CAMKMT: variants seen among roughly 807,000 people sequenced by gnomAD.
CAMKMT encodes CaM KMT.
CAMKMT carries 53 observed loss-of-function variants against 48.0 expected under a neutral mutation model. That is an observed-to-expected ratio of 1.10 (90% CI 0.89 to 1.39). The LOEUF (loss-of-function observed/expected upper bound fraction) is 1.39. CAMKMT is among the 40% of genes most tolerant of loss of function. The probability of loss-of-function intolerance (pLI) is 0.00; values close to 1 mark genes in which losing one functional copy is unlikely to be tolerated. For missense variants in CAMKMT, 428 were observed against 402.7 expected (o/e 1.06, Z -0.54); for synonymous variants, 165 against 152.3 (o/e 1.08, Z -0.61).
rs117474232 is a variant in CAMKMT at position 44,664,467 on chromosome 2, A to T, written c.377-39816A>T. Among the ~76,000 whole-genome samples the T allele has an allele frequency of 1.0e-3, 153 of 152,370 alleles. 2 individuals carry two copies. In the East Asian group the frequency reaches 0.02, roughly 20 times the overall value. ...ACAGGAGCTAAGCTCAGTGCTGGGT[A>T]TAGAATAGATGTGTAATAGACATGT... On this transcript the variant is annotated intron_variant, in intron 3 of 10. Transcript: ENST00000378494.
intron 3 of CAMKMT, among the ~76,000 whole-genome samples, chr2:44,572,716 G>T (rs577232306): frequency 6.6e-6 from 1 of 151,810 alleles, no homozygotes; most frequent in Non-Finnish European, 1.5e-5. Context: ...TGCTGTGTTG[G>T]CTGTTATGAG....
chr2:44,634,771 T>C (rs4953123), intron 3 of CAMKMT, among the ~76,000 whole-genome samples: 17,086 of 142,722 alleles, frequency 0.12, 1,180 homozygotes, highest in Admixed American at 0.22. Flanking sequence ...AGTCTGGTTT[T>C]ATAGGTATTC....
chr2:44,411,960 A>C (rs1243984936), intron 3 of CAMKMT, among the ~76,000 whole-genome samples: 2 of 145,968 alleles, frequency 1.4e-5, no homozygotes, highest in Non-Finnish European at 3.0e-5. Flanking sequence ...ATTAATATGT[A>C]ACATGAACAT....
intron 3 of CAMKMT, among the ~76,000 whole-genome samples, chr2:44,428,872 GC>G (rs1038850892): frequency 2.2e-4 from 33 of 152,268 alleles, no homozygotes; most frequent in African/African-American, 7.2e-4. Context: ...CAAAGCACGG[GC>G]AGAAGGCATT....
rs1462773490 is a variant in CAMKMT, at chr2:44,366,238, G to C, written c.138+4093G>C. Reference sequence around the variant, plus strand: ...TTTAATTTGTTATTTTGAAGAATAAGTAGAATAAAAAGGTTTGTGAAGAAG... The same window carrying C: ...TTTAATTTGTTATTTTGAAGAATAACTAGAATAAAAAGGTTTGTGAAGAAG... On this transcript the variant is annotated intron_variant, in intron 1 of 10. Transcript: ENST00000378494. Among the ~76,000 whole-genome samples, 8 of 152,300 alleles carry C rather than the reference G, an allele frequency of 5.3e-5. No individual in the cohort carries two copies. In the East Asian group the frequency reaches 1.2e-3, roughly 22 times the overall value.
At chr2:44,440,626 T>G (rs995032503) in intron 3 of CAMKMT, among the ~76,000 whole-genome samples, 2 of 152,076 alleles carry the variant, frequency 1.3e-5, no homozygotes, top group Non-Finnish European at 2.9e-5. Context: ...CATTTCACAT[T>G]TCAATGCACA....
intron 2 of CAMKMT, among the ~76,000 whole-genome samples, chr2:44,376,312 C>G (rs1346457734): frequency 6.6e-6 from 1 of 151,696 alleles, no homozygotes; most frequent in African/African-American, 2.4e-5. Flanking sequence ...ATCCCAGTTA[C>G]TCGGTGGCTA....
chr2:44,476,821 T>C (rs1264861152), intron 3 of CAMKMT, among the ~76,000 whole-genome samples: 2 of 152,184 alleles, frequency 1.3e-5, no homozygotes, highest in Non-Finnish European at 2.9e-5. Context: ...TTCAATTTCC[T>C]CATCTGTAAA....
intron 3 of CAMKMT, among the ~76,000 whole-genome samples, chr2:44,472,458 T>C (rs528535553): frequency 6.6e-6 from 1 of 152,348 alleles, no homozygotes; most frequent in South Asian, 2.1e-4. Flanking sequence ...AGGCTCAATC[T>C]AATAACTTGT....
intron 3 of CAMKMT, among the ~76,000 whole-genome samples, chr2:44,493,110 T>C (rs1190893561): frequency 2.6e-5 from 4 of 152,042 alleles, no homozygotes; most frequent in Non-Finnish European, 5.9e-5. Flanking sequence ...CTGGCCAGGC[T>C]GGTCTCGAGC....
At chr2:44,631,142 C>T (rs891757336) in intron 3 of CAMKMT, among the ~76,000 whole-genome samples, 1 of 152,018 alleles carries the variant, frequency 6.6e-6, no homozygotes, top group Non-Finnish European at 1.5e-5. Context: ...TAAACTATCG[C>T]AAGAACAAAA....
chr2:44,730,616 T>C (rs948712584), intron 7 of CAMKMT, among the ~76,000 whole-genome samples: 1 of 152,240 alleles, frequency 6.6e-6, no homozygotes. Flanking sequence ...TCCTTTTCTC[T>C]AAGTGTTTAA....
At chr2:44,740,559 C>T (rs1203425002) in intron 7 of CAMKMT, among the ~76,000 whole-genome samples, 5 of 152,102 alleles carry the variant, frequency 3.3e-5, no homozygotes, top group Non-Finnish European at 1.5e-5. Flanking sequence ...TAGTGGGAAA[C>T]TAAATGGACA....
At position 44,618,432 on chromosome 2, in the gene CAMKMT, A is replaced by T. The variant is rs779053653; in HGVS notation, c.377-85851A>T. ...GTCAGCAGAACCAATTAGATTTTCA[A>T]CCAGTAGACAAGAAGGGTGGCACTT... On this transcript the variant is annotated intron_variant, in intron 3 of 10. Coordinates refer to ENST00000378494, the MANE Select transcript of CAMKMT (RefSeq NM_024766.5). The surrounding 1 kb of genome is among the most constrained non-coding windows in gnomAD (Gnocchi z 4.0). Among the ~76,000 whole-genome samples the T allele has an allele frequency of 3.5e-4, 54 of 152,166 alleles. No homozygotes were observed. Among genetic ancestry groups the T allele is most frequent in the Non-Finnish European group, 5.6e-4 (38 of 68,030 alleles).
intron 8 of CAMKMT, among the ~76,000 whole-genome samples, chr2:44,744,199 A>G (rs1423149045): frequency 1.3e-5 from 2 of 152,222 alleles, no homozygotes; most frequent in Non-Finnish European, 2.9e-5. Context: ...TATGTTTGCT[A>G]TCTAATGTTT....
intron 2 of CAMKMT, among the ~76,000 whole-genome samples, chr2:44,385,438 T>C (rs1004850205): frequency 6.6e-6 from 1 of 152,206 alleles, no homozygotes; most frequent in Non-Finnish European, 1.5e-5. Flanking sequence ...CAGTGACAGT[T>C]TGACTTCCTC....
At chr2:44,557,534 G>A (rs185953162) in intron 3 of CAMKMT, among the ~76,000 whole-genome samples, 2 of 152,208 alleles carry the variant, frequency 1.3e-5, no homozygotes, top group African/African-American at 2.4e-5. Flanking sequence ...GGAATGTCTT[G>A]AACAAGTCAA....
chr2:44,626,939 C>T (rs1672515237), intron 3 of CAMKMT, among the ~76,000 whole-genome samples: 1 of 152,126 alleles, frequency 6.6e-6, no homozygotes, highest in South Asian at 2.1e-4. Flanking sequence ...AGTGGATATC[C>T]TTGCCTCGTT....
At chr2:44,625,132 G>A (rs1396068791) in intron 3 of CAMKMT, among the ~76,000 whole-genome samples, 1 of 152,210 alleles carries the variant, frequency 6.6e-6, no homozygotes, top group African/African-American at 2.4e-5. Flanking sequence ...GAGAGTTTCA[G>A]TTGCTTCACA....
Sources: gnomAD v4.1 joint callset for allele counts (sites outside exome capture counted in the v4.1 genomes callset) on GRCh38, gnomAD v4.1.1 for gene constraint, Gnocchi (gnomAD v3.1) non-coding constraint, MANE v1.5 for transcripts, NCBI Gene and HGNC (gene_info 2026-07-23, HGNC 2026-07-21) for gene names.